Variants in IQCM observed in about 807,000 individuals in gnomAD.
IQCM encodes the protein IQ domain-containing protein M.
Under a neutral mutation model 57.6 loss-of-function variants are expected in IQCM, and 45 were observed. That is an observed-to-expected ratio of 0.78 (90% CI 0.62 to 1.00). The LOEUF (loss-of-function observed/expected upper bound fraction) is 1.00, where lower values mean the gene tolerates loss of function less well. Among genes scored for constraint, IQCM ranks in the 50% least tolerant of loss-of-function variants. The probability of loss-of-function intolerance (pLI) is 0.00; values close to 1 mark genes in which losing one functional copy is unlikely to be tolerated. For missense variants in IQCM, 468 were observed against 511.6 expected (o/e 0.91, Z 0.82); for synonymous variants, 148 against 158.9 (o/e 0.93, Z 0.51).
intron 7 of IQCM, among the ~76,000 whole-genome samples, chr4:149,641,568 C>G (rs947740872): frequency 6.6e-6 from 1 of 152,028 alleles, no homozygotes. Flanking sequence ...TAAATGTTCT[C>G]ATTTTTTAAA....
intron 2 of IQCM, among the ~76,000 whole-genome samples, chr4:149,791,650 C>A (rs1391709185): frequency 6.6e-6 from 1 of 152,074 alleles, no homozygotes; most frequent in Non-Finnish European, 1.5e-5. Context: ...TTTTAGTGTG[C>A]ATTCTGCATG....
intron 12 of IQCM, among the ~76,000 whole-genome samples, chr4:149,470,705 T>G (rs971148510): frequency 6.6e-6 from 1 of 152,144 alleles, no homozygotes; most frequent in Non-Finnish European, 1.5e-5. Context: ...TATTCCAAAA[T>G]TGACCACATA....
chr4:149,780,465 T>A (rs910857928), intron 2 of IQCM: 36 of 151,986 alleles, frequency 2.4e-4, no homozygotes, highest in African/African-American at 8.7e-4. Flanking sequence ...CAAGACATCA[T>A]CAGAAACCCA....
chr4:149,526,651 T>C (rs942079705), intron 12 of IQCM, among the ~76,000 whole-genome samples: 2 of 152,004 alleles, frequency 1.3e-5, no homozygotes, highest in African/African-American at 2.4e-5. Flanking sequence ...TATACTATAA[T>C]GATAAAATGC....
At chr4:149,354,014 T>C (rs1461873032) in intron 13 of IQCM, among the ~76,000 whole-genome samples, 1 of 152,196 alleles carries the variant, frequency 6.6e-6, no homozygotes, top group Non-Finnish European at 1.5e-5. Flanking sequence ...TATTTATATG[T>C]ATCCCATTAC....
intron 7 of IQCM, among the ~76,000 whole-genome samples, chr4:149,650,337 A>G (rs528909791): frequency 6.6e-6 from 1 of 151,542 alleles, no homozygotes; most frequent in East Asian, 1.9e-4. Flanking sequence ...CACAAGGAAG[A>G]TTGCTTCCCT....
chr4:149,419,302 C>G (rs1344328467), intron 13 of IQCM, among the ~76,000 whole-genome samples: 5 of 152,048 alleles, frequency 3.3e-5, no homozygotes, highest in African/African-American at 1.2e-4. Context: ...ACACATAGAC[C>G]AATGGAACAT....
At chr4:149,517,044 A>C (rs1225431207) in intron 12 of IQCM, among the ~76,000 whole-genome samples, 1 of 151,208 alleles carries the variant, frequency 6.6e-6, no homozygotes, top group Non-Finnish European at 1.5e-5. Context: ...GGGAAACTAC[A>C]ACATCCAATC....
intron 2 of IQCM, among the ~76,000 whole-genome samples, chr4:149,813,336 G>C (rs1485892195): frequency 1.3e-5 from 2 of 151,728 alleles, no homozygotes; most frequent in Non-Finnish European, 2.9e-5. Context: ...TGTATCTAAT[G>C]CATCTTTTTT....
chr4:149,646,680 T>C (rs1758663255), intron 7 of IQCM, among the ~76,000 whole-genome samples: 1 of 152,202 alleles, frequency 6.6e-6, no homozygotes. Flanking sequence ...CGTTCATTTA[T>C]GTTCAATTAA....
intron 7 of IQCM, among the ~76,000 whole-genome samples, chr4:149,667,642 G>T (rs570289389): frequency 6.2e-4 from 94 of 152,080 alleles, no homozygotes; most frequent in Non-Finnish European, 9.7e-4. Context: ...GGAGCTAAAG[G>T]AGCATGTTCT....
intron 2 of IQCM, among the ~76,000 whole-genome samples, chr4:149,769,212 A>G (rs1163716897): frequency 6.6e-6 from 1 of 152,028 alleles, no homozygotes; most frequent in Non-Finnish European, 1.5e-5. Context: ...GAGTTTTATT[A>G]GGGAAACTCT....
intron 12 of IQCM, among the ~76,000 whole-genome samples, chr4:149,454,179 C>T (rs1366271307): frequency 4.7e-5 from 7 of 149,228 alleles, no homozygotes; most frequent in East Asian, 2.0e-4. Flanking sequence ...CACACACACA[C>T]ACACACACAC....
chr4:149,388,698 C>T (rs931418814), intron 13 of IQCM, among the ~76,000 whole-genome samples: 21 of 140,968 alleles, frequency 1.5e-4, no homozygotes, highest in Admixed American at 7.2e-4. Context: ...GAGGATAGTC[C>T]TTTCTCTGAT....
intron 12 of IQCM, among the ~76,000 whole-genome samples, chr4:149,543,692 C>A (rs888269006): frequency 6.6e-6 from 1 of 151,512 alleles, no homozygotes; most frequent in Non-Finnish European, 1.5e-5. Flanking sequence ...TGTAACTAAC[C>A]TGCACATTGT....
intron 2 of IQCM, among the ~76,000 whole-genome samples, chr4:149,772,185 GATT>G (rs1195861557): frequency 6.6e-6 from 1 of 151,748 alleles, no homozygotes; most frequent in Non-Finnish European, 1.5e-5. Context: ...TCCATTATGA[GATT>G]ATTTATAATT....
chr4:149,425,565 G>A (rs989476059), intron 13 of IQCM, among the ~76,000 whole-genome samples: 1 of 151,954 alleles, frequency 6.6e-6, no homozygotes, highest in African/African-American at 2.4e-5. Flanking sequence ...GTAAATAGAG[G>A]AAATTTGCCC....
chr4:149,515,133 CAG>C (rs1257210841), intron 12 of IQCM, among the ~76,000 whole-genome samples: 3 of 147,846 alleles, frequency 2.0e-5, no homozygotes, highest in Non-Finnish European at 4.5e-5. Flanking sequence ...TGAATCACAG[CAG>C]AGTTCTCTAG....
chr4:149,809,796 T>G (rs1374840493), intron 2 of IQCM, among the ~76,000 whole-genome samples: 1 of 152,224 alleles, frequency 6.6e-6, no homozygotes, highest in African/African-American at 2.4e-5. Flanking sequence ...TTTCATATTC[T>G]GATAATTACC....
Sources: gnomAD v4.1 joint callset for allele counts (sites outside exome capture counted in the v4.1 genomes callset) on GRCh38, gnomAD v4.1.1 for gene constraint, MANE v1.5 for transcripts, NCBI Gene and HGNC (gene_info 2026-07-23, HGNC 2026-07-21) for gene names.